Variants in FHOD3 observed in about 807,000 individuals in gnomAD.
FHOD3 encodes the protein FH1/FH2 domain-containing protein 3.
In FHOD3, 90 loss-of-function variants were observed where a neutral mutation model predicts 173.0. The observed-to-expected ratio is 0.52, with a 90% CI of 0.44 to 0.62. The LOEUF (loss-of-function observed/expected upper bound fraction) is 0.62, where lower values mean the gene tolerates loss of function less well. Ranked by LOEUF, FHOD3 falls within the 20% of genes least tolerant of loss-of-function variation. The pLI is 0.00. For synonymous variants in FHOD3, 828 were observed against 823.0 expected (o/e 1.01, Z -0.10); for missense variants, 1,945 against 2,034.7 (o/e 0.96, Z 0.85).
chr18:36,311,653 C>T (rs1359621489), intron 1 of FHOD3, among the ~76,000 whole-genome samples: 1 of 152,160 alleles, frequency 6.6e-6, no homozygotes, highest in East Asian at 1.9e-4. Context: ...GCTATGAGAT[C>T]TCCTCTTACC....
At chr18:36,337,320 C>T (rs539411234) in intron 1 of FHOD3, among the ~76,000 whole-genome samples, 3 of 152,228 alleles carry the variant, frequency 2.0e-5, no homozygotes, top group African/African-American at 7.2e-5. Context: ...GAATACGATC[C>T]CCAAACACAC....
intron 1 of FHOD3, among the ~76,000 whole-genome samples, chr18:36,344,470 G>A (rs2045785698): frequency 6.6e-6 from 1 of 152,096 alleles, no homozygotes; most frequent in Non-Finnish European, 1.5e-5. Context: ...TGTCTGAGAA[G>A]TGATGGCACT....
chr18:36,541,547 A>G (rs2057221259), intron 5 of FHOD3, among the ~76,000 whole-genome samples: 1 of 152,060 alleles, frequency 6.6e-6, no homozygotes, highest in Admixed American at 6.5e-5. Context: ...ATGAAAAAGA[A>G]ATGATGCTAT....
At chr18:36,335,541 G>A (rs904858253) in intron 1 of FHOD3, among the ~76,000 whole-genome samples, 1 of 151,866 alleles carries the variant, frequency 6.6e-6, no homozygotes, top group Admixed American at 6.6e-5. Context: ...TTTTAAGAAA[G>A]TTTATGAATT....
At chr18:36,436,438 C>A (rs2050814549) in intron 3 of FHOD3, among the ~76,000 whole-genome samples, 1 of 151,992 alleles carries the variant, frequency 6.6e-6, no homozygotes, top group East Asian at 1.9e-4. Flanking sequence ...GTATTAAAAC[C>A]CCCATGCACA....
chr18:36,742,042 T>G (rs2150054568), intron 21 of FHOD3, among the ~76,000 whole-genome samples: 1 of 152,180 alleles, frequency 6.6e-6, no homozygotes, highest in East Asian at 1.9e-4. Flanking sequence ...AACAGATCAC[T>G]GGGTCAGCCT....
At chr18:36,638,665 C>T (rs1304966182) in intron 10 of FHOD3, among the ~76,000 whole-genome samples, 1 of 152,198 alleles carries the variant, frequency 6.6e-6, no homozygotes, top group East Asian at 1.9e-4. Context: ...TACCCCAGAA[C>T]AATTGAATGC....
intron 3 of FHOD3, among the ~76,000 whole-genome samples, chr18:36,435,888 G>A (rs1189106206): frequency 6.6e-6 from 1 of 152,156 alleles, no homozygotes; most frequent in Non-Finnish European, 1.5e-5. Flanking sequence ...TTTAAGTTTT[G>A]TACAGGATAG....
At chr18:36,336,682 CAA>C (rs35621641) in intron 1 of FHOD3, among the ~76,000 whole-genome samples, 90,415 of 135,754 alleles carry the variant, frequency 0.67, 30,457 homozygotes, top group Middle Eastern at 0.81. Context: ...GCTAAAAATA[CAA>C]AAAAAAAAAA....
intron 17 of FHOD3, 128 bp downstream of exon 17, chr18:36,693,551 G>A: frequency 1.1e-6 from 1 of 886,804 alleles, no homozygotes; most frequent in Non-Finnish European, 1.7e-6. Flanking sequence ...TTTGTTGGGG[G>A]AGGGGGGTTG....
chr18:36,678,039 A>G (rs1406329024), intron 14 of FHOD3, among the ~76,000 whole-genome samples: 1 of 152,224 alleles, frequency 6.6e-6, no homozygotes, highest in East Asian at 1.9e-4. Context: ...CTAGACTCTT[A>G]ATAAAATAAC....
chr18:36,477,344 T>A (rs563973689), intron 3 of FHOD3, among the ~76,000 whole-genome samples: 2 of 152,248 alleles, frequency 1.3e-5, no homozygotes, highest in South Asian at 4.2e-4. Context: ...GGGATTAGCT[T>A]GGTATTGAAT....
chr18:36,679,549 A>G (rs140159173), intron 14 of FHOD3, among the ~76,000 whole-genome samples: 60 of 152,242 alleles, frequency 3.9e-4, no homozygotes, highest in African/African-American at 1.3e-3. Flanking sequence ...CCTTCTAAAT[A>G]CTACTTTAGA....
intron 1 of FHOD3, among the ~76,000 whole-genome samples, chr18:36,321,541 A>G (rs1285512255): frequency 6.6e-6 from 1 of 152,054 alleles, no homozygotes; most frequent in African/African-American, 2.4e-5. Flanking sequence ...GGTAATATGT[A>G]TTGTGCTTTT....
At chr18:36,677,367 G>T (rs921726809) in intron 14 of FHOD3, among the ~76,000 whole-genome samples, 7 of 152,054 alleles carry the variant, frequency 4.6e-5, no homozygotes, top group Middle Eastern at 3.4e-3. Context: ...GGTCAGGCTG[G>T]TCTCAAACTC....
At chr18:36,693,899 G>A (rs951294572) in intron 17 of FHOD3, among the ~76,000 whole-genome samples, 18 of 152,116 alleles carry the variant, frequency 1.2e-4, no homozygotes, top group Non-Finnish European at 4.4e-5. Flanking sequence ...ATGGAAGAAG[G>A]AAAATAATTC....
At chr18:36,359,611 G>A (rs570452554) in intron 2 of FHOD3, among the ~76,000 whole-genome samples, 18 of 152,236 alleles carry the variant, frequency 1.2e-4, no homozygotes, top group African/African-American at 4.3e-4. Flanking sequence ...GGAAAATATG[G>A]CCCAATCCCA....
intron 3 of FHOD3, among the ~76,000 whole-genome samples, chr18:36,494,620 C>A (rs1172071394): frequency 1.3e-5 from 2 of 152,136 alleles, no homozygotes; most frequent in Admixed American, 1.3e-4. Flanking sequence ...ATCAGCCTGC[C>A]CCCAGCTTCT....
At chr18:36,572,068 C>T (rs2058471909) in intron 5 of FHOD3, among the ~76,000 whole-genome samples, 2 of 152,176 alleles carry the variant, frequency 1.3e-5, no homozygotes, top group African/African-American at 4.8e-5. Flanking sequence ...ACTCATTCCT[C>T]ACCACACCCC....
Sources: allele counts gnomAD v4.1 joint callset (sites outside exome capture counted in the v4.1 genomes callset), GRCh38; gene constraint gnomAD v4.1.1; transcripts MANE v1.5; gene names NCBI Gene and HGNC (gene_info 2026-07-23, HGNC 2026-07-21).